CLIP2: variants seen among roughly 807,000 people sequenced by gnomAD.
The protein encoded by CLIP2 is CAP-Gly domain containing linker protein 2, also known as CAP-Gly domain-containing linker protein 2.
Under a neutral mutation model 111.7 loss-of-function variants are expected in CLIP2, and 41 were observed. The ratio of observed to expected loss-of-function variants is 0.37; its 90% CI spans 0.29 to 0.48. CLIP2 has a LOEUF of 0.48. Ranked by LOEUF, CLIP2 falls within the 20% of genes least tolerant of loss-of-function variation. The pLI is 0.99. For synonymous variants in CLIP2, 660 were observed against 644.2 expected, an observed-to-expected ratio of 1.02 and a Z score of -0.37; for missense variants, 1,160 against 1,422.1, an observed-to-expected ratio of 0.82 and a Z score of 2.96.
intron 1 of CLIP2, among the ~76,000 whole-genome samples, chr7:74,302,889 C>T (rs1185798690): frequency 6.6e-6 from 1 of 152,246 alleles, no homozygotes; most frequent in Non-Finnish European, 1.5e-5. Flanking sequence ...TGGGTGCTCT[C>T]AGGGCAGCTC....
intron 11 of CLIP2, chr7:74,381,151 A>G (rs990045010): frequency 1.9e-4 from 39 of 200,682 alleles, no homozygotes; most frequent in African/African-American, 9.1e-4. Flanking sequence ...TTTGGTTTAT[A>G]TTTTATTTTT....
chr7:74,289,851 G>A (rs1344123416), intron 1 of CLIP2, 117 bp downstream of exon 1: 1 of 152,590 alleles, frequency 6.6e-6, no homozygotes, highest in African/African-American at 2.4e-5. Context: ...CATTGTCGGG[G>A]CGTGGGCGGG....
chr7:74,333,617 G>A (rs1335426821), intron 2 of CLIP2, among the ~76,000 whole-genome samples: 1 of 152,132 alleles, frequency 6.6e-6, no homozygotes, highest in Non-Finnish European at 1.5e-5. Context: ...GAGTAGCTGG[G>A]ACTACAGGAG....
At chr7:74,331,145 G>A (rs1789264725) in intron 2 of CLIP2, among the ~76,000 whole-genome samples, 1 of 138,936 alleles carries the variant, frequency 7.2e-6, no homozygotes, top group Admixed American at 8.0e-5. Context: ...GGTAGAGGTT[G>A]CAGTGAGCCG....
chr7:74,300,008 C>T (rs1357741233), intron 1 of CLIP2, among the ~76,000 whole-genome samples: 13 of 142,966 alleles, frequency 9.1e-5, no homozygotes, highest in South Asian at 4.5e-4. Flanking sequence ...TTTTTTTGGA[C>T]GGAATTTTGC....
Position 74,317,221 on chromosome 7 carries a change from C to T in CLIP2, c.-67-259C>T, listed in dbSNP as rs150594285. On this transcript the variant is annotated intron_variant, in intron 1 of 16. Coordinates refer to ENST00000223398, the MANE Select transcript of CLIP2 (RefSeq NM_003388.5). Reference sequence around the variant, plus strand: ...TGTGGAGTTGAGGCAGGTAACTGCACACCAGGATATAAGAGGGTAAGGCAA... The same window carrying T: ...TGTGGAGTTGAGGCAGGTAACTGCATACCAGGATATAAGAGGGTAAGGCAA... 2.0e-4 allele frequency among the ~76,000 whole-genome samples: 31 copies of T among 152,208 alleles called. No homozygotes were observed. The East Asian group carries it at 5.0e-3, about 25-fold the overall frequency.
At chr7:74,391,768 C>T (rs932220722) in intron 13 of CLIP2, among the ~76,000 whole-genome samples, 1 of 151,222 alleles carries the variant, frequency 6.6e-6, no homozygotes, top group African/African-American at 2.4e-5. Context: ...TGCAGTGAGT[C>T]GAGATTGTGC....
At chr7:74,310,394 C>T (rs929449113) in intron 1 of CLIP2, among the ~76,000 whole-genome samples, 5 of 151,858 alleles carry the variant, frequency 3.3e-5, no homozygotes, top group Non-Finnish European at 7.4e-5. Context: ...TGGTAGCACT[C>T]GCCTTTGGTC....
intron 3 of CLIP2, among the ~76,000 whole-genome samples, chr7:74,347,623 G>A (rs1335230656): frequency 6.6e-6 from 1 of 152,182 alleles, no homozygotes. Flanking sequence ...GAGCCCTGGC[G>A]GCCACGCCTA....
chr7:74,373,100 TTC>T (rs1790683749), intron 9 of CLIP2, 64 bp downstream of exon 9: 14 of 925,370 alleles, frequency 1.5e-5, no homozygotes, highest in African/African-American at 3.3e-5. Flanking sequence ...CCCCTCTGGC[TTC>T]TCTGTTTCAT....
intron 13 of CLIP2, among the ~76,000 whole-genome samples, chr7:74,395,823 A>G (rs535474487): frequency 2.8e-5 from 4 of 142,224 alleles, no homozygotes; most frequent in South Asian, 2.3e-4. Flanking sequence ...CTTTTCTTAC[A>G]TAACAAGAAA....
At chr7:74,370,597 T>A (rs1191138866) in intron 8 of CLIP2, among the ~76,000 whole-genome samples, 2 of 13,470 alleles carry the variant, frequency 1.5e-4, no homozygotes, top group Non-Finnish European at 1.7e-4. Context: ...GGCCCAACCC[T>A]CCCCCCCACC....
chr7:74,321,479 AT>A (rs1303097029), intron 2 of CLIP2, among the ~76,000 whole-genome samples: 1 of 151,246 alleles, frequency 6.6e-6, no homozygotes. Context: ...TATTATTATT[AT>A]TTTTTTTGAG....
rs527872052 is a variant in CLIP2 at position 74,290,419 on chromosome 7, C to G, written c.-68+685C>G. ...CCTCCTCCCGGGGAGGGGCGGCGGC[C>G]GCGGAGGATGCTTGGCTGAACCTTC... On this transcript the variant is annotated intron_variant, in intron 1 of 16. Transcript: ENST00000223398. 2.5e-3 allele frequency among the ~76,000 whole-genome samples: 388 copies of G among 152,340 alleles called. 1 individual carries two copies. The highest frequency in any genetic ancestry group is 9.2e-3 in the African/African-American group (381 of 41,590).
At chr7:74,327,895 C>T (rs1175893169) in intron 2 of CLIP2, among the ~76,000 whole-genome samples, 1 of 152,204 alleles carries the variant, frequency 6.6e-6, no homozygotes, top group Non-Finnish European at 1.5e-5. Flanking sequence ...GCCGCTCTTG[C>T]CCTGGGTTCC....
At chr7:74,328,975 C>A (rs1039719076) in intron 2 of CLIP2, among the ~76,000 whole-genome samples, 9 of 150,380 alleles carry the variant, frequency 6.0e-5, no homozygotes, top group Non-Finnish European at 8.9e-5. Flanking sequence ...TGCAGTGGTG[C>A]GATCTCAGCT....
intron 1 of CLIP2, among the ~76,000 whole-genome samples, chr7:74,311,743 C>G (rs1019894535): frequency 1.3e-5 from 2 of 151,732 alleles, no homozygotes; most frequent in Non-Finnish European, 2.9e-5. Flanking sequence ...GACCCAGTCT[C>G]TACAAAAAAT....
intron 7 of CLIP2, among the ~76,000 whole-genome samples, chr7:74,361,287 G>A (rs1322743975): frequency 2.0e-5 from 3 of 147,344 alleles, no homozygotes; most frequent in South Asian, 2.2e-4. Flanking sequence ...GTGCGATCTC[G>A]GCTCACTGCA....
chr7:74,346,809 G>T (rs967487401), intron 3 of CLIP2, among the ~76,000 whole-genome samples: 7 of 151,416 alleles, frequency 4.6e-5, no homozygotes, highest in Non-Finnish European at 2.9e-5. Context: ...TGAGGTGGGA[G>T]GATTGCTTGA....
Sources: allele counts gnomAD v4.1 joint callset (sites outside exome capture counted in the v4.1 genomes callset), GRCh38; gene constraint gnomAD v4.1.1; transcripts MANE v1.5; gene names NCBI Gene and HGNC (gene_info 2026-07-23, HGNC 2026-07-21).